Variants in CARD14 observed in about 807,000 individuals in gnomAD.
CARD14 encodes caspase recruitment domain-containing protein 14.
A neutral mutation model predicts 111.5 loss-of-function variants in CARD14; 107 were observed. The ratio of observed to expected loss-of-function variants is 0.96; its 90% CI spans 0.82 to 1.13. CARD14 has a LOEUF of 1.13. Among genes scored for constraint, CARD14 ranks in the 50% most tolerant of loss-of-function variants. The pLI, the probability that CARD14 is intolerant of heterozygous loss-of-function variation, is 0.00. For synonymous variants in CARD14, 617 were observed against 579.6 expected (o/e 1.06, Z -0.93); for missense variants, 1,322 against 1,362.3 (o/e 0.97, Z 0.47).
chr17:80,184,001 G>T lies in CARD14; in HGVS notation c.438G>T (p.Lys146Asn), dbSNP rs1191446112. The T allele has an allele frequency of 6.3e-7, 1 of 1,590,272 alleles. No individual in the cohort carries two copies. The highest frequency in any genetic ancestry group is 2.3e-5 in the East Asian group (1 of 44,140). The change falls in exon 7 of 24, where the codon AAG becomes AAT. Residue 146 changes from lysine to asparagine, a missense_variant. By Grantham distance (94) the Lys-to-Asn change is moderately conservative (BLOSUM62 0). Transcript: ENST00000648509. ...QEELNQEKGQKEVLLRRCQQL... is the reference protein window; with the variant it reads ...QEELNQEKGQNEVLLRRCQQL... ...AGCTGAACCAGGAAAAGGGGCAGAA[G>T]GAGGTGCTGCTGCGGCGGTGCCAGC...
intron 9 of CARD14, 119 bp from the exon 10 acceptor site, chr17:80,190,655 A>G (rs1187054806): frequency 2.9e-6 from 3 of 1,038,152 alleles, no homozygotes; most frequent in Non-Finnish European, 4.1e-6. Flanking sequence ...GTGAGAATTG[A>G]CCTTATTTCA....
chr17:80,189,629 G>C lies in CARD14; in HGVS notation c.844-124G>C, dbSNP rs1255709366. On this transcript the variant is annotated intron_variant, in intron 8 of 23. Coordinates refer to ENST00000648509, the MANE Select transcript of CARD14 (RefSeq NM_001366385.1). This position sits in a 1 kb window ranked among gnomAD's most constrained non-coding sequence, Gnocchi z 4.7. ...TGGCTTCTCTCCTGCCCGGTGTAGAGTGGCAAGACTGCATCCGTCCACACA... is the reference window on the plus strand; with the variant it reads ...TGGCTTCTCTCCTGCCCGGTGTAGACTGGCAAGACTGCATCCGTCCACACA... 2 of 1,232,652 alleles carry C rather than the reference G, an allele frequency of 1.6e-6. No homozygotes were observed. The highest frequency in any genetic ancestry group is 3.1e-5 in the East Asian group (1 of 32,354). 76.4% of individuals were successfully genotyped at this position (1,232,652 alleles called of 1,614,324 possible).
At chr17:80,190,623 AAAAAAAG>A in intron 9 of CARD14, 144 bp from the exon 10 acceptor site, 3 of 865,664 alleles carry the variant, frequency 3.5e-6, no homozygotes, top group East Asian at 3.0e-5. Context: ...AAAAAAAAAA[AAAAAAAG>A]AGAGAGAGAG....
At position 80,195,199 on chromosome 17, in the gene CARD14, C is replaced by T. The variant is rs141045409; in HGVS notation, c.1365C>T (p.Leu455=). The T allele has an allele frequency of 6.2e-7, 1 of 1,606,048 alleles. No individual in the cohort carries two copies. The part of the protein sequence containing the change: ...CSLVSSTESQ[L]LSDLSATSSR... ...TGCCCTCCCTCCTCCAGTCTCAGCT[C>T]TTGTCGGACCTGAGTGCCACGTCCA... Residue 455 remains leucine, a synonymous_variant, in exon 13 of 24, where the codon CTC becomes CTT. Coordinates refer to ENST00000648509, the MANE Select transcript of CARD14 (RefSeq NM_001366385.1). The surrounding 1 kb of genome is among the most constrained non-coding windows in gnomAD (Gnocchi z 4.7).
intron 7 of CARD14, among the ~76,000 whole-genome samples, chr17:80,186,611 C>A (rs1470956281): frequency 6.6e-6 from 1 of 152,094 alleles, no homozygotes; most frequent in Non-Finnish European, 1.5e-5. Context: ...TGCAGTGGCG[C>A]CATCTCAGCC....
chr17:80,188,474 A>C lies in CARD14; in HGVS notation c.773A>C (p.Glu258Ala). The C allele has an allele frequency of 4.4e-6, 7 of 1,594,134 alleles. No individual in the cohort carries two copies. Among genetic ancestry groups the C allele is most frequent in the Non-Finnish European group, 6.0e-6 (7 of 1,171,434 alleles). The change falls in exon 8 of 24, where the codon GAG becomes GCG. Residue 258 changes from glutamate to alanine, a missense_variant. Coordinates refer to ENST00000648509, the MANE Select transcript of CARD14 (RefSeq NM_001366385.1). The surrounding 1 kb of genome is among the most constrained non-coding windows in gnomAD (Gnocchi z 4.5). ...EQSLRTASDQ[E>A]SGDEELNRLK... is the part of the protein sequence containing the mutation. ...TCCCTGAGGACAGCCAGCGACCAGGAGTCCGGGGATGAGGAGCTGAACCGC... is the reference window on the plus strand; with the variant it reads ...TCCCTGAGGACAGCCAGCGACCAGGCGTCCGGGGATGAGGAGCTGAACCGC...
chr17:80,185,135 G>T lies in CARD14; in HGVS notation c.675+897G>T, dbSNP rs111437320. Among the ~76,000 whole-genome samples, 264 of 152,180 alleles carry T rather than the reference G, an allele frequency of 1.7e-3. 2 individuals carry two copies. Among genetic ancestry groups the T allele is most frequent in the African/African-American group, 6.1e-3 (254 of 41,510 alleles). ...AGTGGTACAATCCTAGCTCACTACA[G>T]CCTTAAACTCCTGAGCTCAAGTGAT... On this transcript the variant is annotated intron_variant, in intron 7 of 23. Transcript: ENST00000648509.
chr17:80,180,739 GTTAT>G (rs1245652950), intron 4 of CARD14, among the ~76,000 whole-genome samples: 1 of 146,610 alleles, frequency 6.8e-6, no homozygotes, highest in Non-Finnish European at 1.5e-5. Context: ...CACCCCTACT[GTTAT>G]TTGTTTGTTT....
Position 80,188,371 on chromosome 17 carries a change from G to T in CARD14, c.676-6G>T, listed in dbSNP as rs28674001. On this transcript the variant is annotated splice_polypyrimidine_tract_variant and splice_region_variant and intron_variant, in intron 7 of 23. Coordinates refer to ENST00000648509, the MANE Select transcript of CARD14 (RefSeq NM_001366385.1). This position sits in a 1 kb window ranked among gnomAD's most constrained non-coding sequence, Gnocchi z 4.5. The stretch of plus-strand genomic sequence containing the variant: ...TCGCCCTTCCTGTCGCCTCCCCACC[G>T]CACAGCTGTATCTACTGAAGCAGGA... 1.2e-6 allele frequency: 2 copies of T among 1,604,852 alleles called. No homozygotes were observed. Among genetic ancestry groups the T allele is most frequent in the South Asian group, 2.2e-5 (2 of 89,584 alleles).
chr17:80,206,206 T>C (rs1030724637), intron 22 of CARD14, among the ~76,000 whole-genome samples: 3 of 152,220 alleles, frequency 2.0e-5, no homozygotes, highest in African/African-American at 7.2e-5. Flanking sequence ...GGCTCACGCC[T>C]GTCATCCCAG....
chr17:80,208,119 C>T lies in CARD14; in HGVS notation c.2808-19C>T, dbSNP rs111745899. 17 of 1,501,190 alleles carry T rather than the reference C, an allele frequency of 1.1e-5. No individual in the cohort carries two copies. The highest frequency in any genetic ancestry group is 2.5e-5 in the East Asian group (1 of 39,986). The allele number at this position is 1,501,190 out of a possible 1,614,324, so 93.0% of individuals were successfully genotyped here. On this transcript the variant is annotated intron_variant, in intron 23 of 23. Transcript: ENST00000648509. ...TTGCTCTCCCCTGAGCCCGCCCCCC[C>T]CAACTCTGGCCTGTGCAGGAAGGGC...
intron 16 of CARD14, among the ~76,000 whole-genome samples, chr17:80,199,648 G>A (rs1337266392): frequency 6.7e-6 from 1 of 150,344 alleles, no homozygotes; most frequent in African/African-American, 2.5e-5. Context: ...GGAGGCTGGA[G>A]CAGGCAGATC....
chr17:80,207,772 T>G, intron 23 of CARD14: 1 of 241,732 alleles, frequency 4.1e-6, no homozygotes, highest in Non-Finnish European at 7.9e-6. Context: ...CAGAGGACCA[T>G]TGTAAGGCCA....
intron 18 of CARD14, 98 bp downstream of exon 18, chr17:80,202,518 G>C: frequency 6.6e-7 from 1 of 1,513,346 alleles, no homozygotes; most frequent in African/African-American, 1.4e-5. Flanking sequence ...AGCAATAGAG[G>C]GTGGGCGTGG....
intron 7 of CARD14, among the ~76,000 whole-genome samples, chr17:80,186,846 G>C (rs573824488): frequency 6.6e-6 from 1 of 152,252 alleles, no homozygotes; most frequent in East Asian, 1.9e-4. Flanking sequence ...CACCACGCCC[G>C]GCCTCCTGCC....
At chr17:80,174,315 C>T (rs375548124) in intron 2 of CARD14, among the ~76,000 whole-genome samples, 7 of 151,920 alleles carry the variant, frequency 4.6e-5, no homozygotes, top group Non-Finnish European at 7.4e-5. Context: ...CGGGTTTAAG[C>T]GATTCTCCTG....
At chr17:80,205,014 T>G (rs2041207472) in intron 20 of CARD14, 21 bp from the exon 21 acceptor site, 1 of 1,539,344 alleles carries the variant, frequency 6.5e-7, no homozygotes, top group South Asian at 1.2e-5. Flanking sequence ...TCACCCACCC[T>G]CAGGATCCTC....
At chr17:80,190,649 G>T in intron 9 of CARD14, 125 bp from the exon 10 acceptor site, 1 of 980,850 alleles carries the variant, frequency 1.0e-6, no homozygotes, top group Non-Finnish European at 1.5e-6. Flanking sequence ...AGACGAGTGA[G>T]AATTGACCTT....
intron 18 of CARD14, 131 bp downstream of exon 18, chr17:80,202,551 G>A (rs999875860): frequency 2.1e-6 from 3 of 1,461,080 alleles, no homozygotes; most frequent in African/African-American, 2.8e-5. Context: ...AAGGAGGGAA[G>A]CCTGCCAAGA....
Sources: gnomAD v4.1 joint callset for allele counts (sites outside exome capture counted in the v4.1 genomes callset) on GRCh38, gnomAD v4.1.1 for gene constraint, Gnocchi (gnomAD v3.1) non-coding constraint, MANE v1.5 for transcripts, NCBI Gene and HGNC (gene_info 2026-07-23, HGNC 2026-07-21) for gene names.